CHRM3: variants seen among roughly 807,000 people sequenced by gnomAD.
The protein encoded by CHRM3 is muscarinic acetylcholine receptor M3.
In CHRM3, 11 loss-of-function variants were observed where a neutral mutation model predicts 41.8. The observed-to-expected ratio is 0.26, with a 90% CI of 0.17 to 0.44. The LOEUF is 0.44. CHRM3 is among the 20% of genes least tolerant of loss of function. The pLI is 1.00. For missense variants in CHRM3, 571 were observed against 745.4 expected (o/e 0.77, Z 2.72); for synonymous variants, 297 against 301.4 (o/e 0.99, Z 0.15).
intron 3 of CHRM3, among the ~76,000 whole-genome samples, chr1:239,569,930 G>A (rs576037465): frequency 3.3e-5 from 5 of 152,264 alleles, no homozygotes; most frequent in Admixed American, 3.3e-4. Flanking sequence ...TGATATAACT[G>A]AATTCTGAAG....
chr1:239,875,017 C>CA (rs910686631), intron 6 of CHRM3, among the ~76,000 whole-genome samples: 15 of 151,668 alleles, frequency 9.9e-5, no homozygotes, highest in Middle Eastern at 3.4e-3. Context: ...TTTTAAATGG[C>CA]AAAAAACGCA....
intron 5 of CHRM3, among the ~76,000 whole-genome samples, chr1:239,750,200 C>T (rs1055058799): frequency 6.6e-6 from 1 of 152,094 alleles, no homozygotes; most frequent in Middle Eastern, 3.4e-3. Context: ...CTGGATGGGC[C>T]GGCTGGCAGA....
At chr1:239,893,497 A>C (rs779937710) in intron 6 of CHRM3, among the ~76,000 whole-genome samples, 3 of 152,184 alleles carry the variant, frequency 2.0e-5, no homozygotes, top group Non-Finnish European at 4.4e-5. Context: ...ACTTGGGACA[A>C]GTCTTCAACT....
chr1:239,749,944 C>T (rs866515122), intron 5 of CHRM3, among the ~76,000 whole-genome samples: 1 of 152,186 alleles, frequency 6.6e-6, no homozygotes, highest in African/African-American at 2.4e-5. Context: ...AATAATACCA[C>T]GGCTTTGAAT....
At chr1:239,583,824 C>T (rs1282229471) in intron 3 of CHRM3, among the ~76,000 whole-genome samples, 2 of 152,082 alleles carry the variant, frequency 1.3e-5, no homozygotes, top group African/African-American at 2.4e-5. Flanking sequence ...TTTATTTACT[C>T]TAGCTTGGGA....
intron 6 of CHRM3, among the ~76,000 whole-genome samples, chr1:239,845,598 G>C (rs972801904): frequency 2.6e-4 from 39 of 152,152 alleles, no homozygotes; most frequent in African/African-American, 1.9e-4. Context: ...CCCACCATTT[G>C]TGCCAGCTTT....
At chr1:239,589,525 A>G (rs1663839201) in intron 3 of CHRM3, among the ~76,000 whole-genome samples, 1 of 149,336 alleles carries the variant, frequency 6.7e-6, no homozygotes. Flanking sequence ...ATAAAACTAT[A>G]TATATAGTTT....
intron 5 of CHRM3, among the ~76,000 whole-genome samples, chr1:239,794,418 A>C (rs1483681329): frequency 1.5e-5 from 2 of 131,272 alleles, no homozygotes; most frequent in Admixed American, 8.3e-5. Flanking sequence ...TTTTTCCCTG[A>C]GGTGACCTAT....
intron 1 of CHRM3, among the ~76,000 whole-genome samples, chr1:239,445,960 C>A (rs1320978619): frequency 6.7e-6 from 1 of 150,240 alleles, no homozygotes; most frequent in Non-Finnish European, 1.5e-5. Flanking sequence ...TTTTTTGAGA[C>A]AGAGTCTCGC....
intron 5 of CHRM3, among the ~76,000 whole-genome samples, chr1:239,761,400 T>G (rs1258255583): frequency 6.6e-6 from 1 of 152,200 alleles, no homozygotes; most frequent in Non-Finnish European, 1.5e-5. Flanking sequence ...TCTCTTTATG[T>G]GTTGCATGTT....
At chr1:239,530,200 G>A (rs1479414992) in intron 2 of CHRM3, among the ~76,000 whole-genome samples, 1 of 152,060 alleles carries the variant, frequency 6.6e-6, no homozygotes, top group Non-Finnish European at 1.5e-5. Context: ...ACCGTGCCCG[G>A]CCCAAATTAT....
At chr1:239,413,816 T>C (rs887559707) in intron 1 of CHRM3, among the ~76,000 whole-genome samples, 13 of 150,326 alleles carry the variant, frequency 8.6e-5, no homozygotes, top group African/African-American at 2.7e-4. Flanking sequence ...TGCAGTGTAG[T>C]TCTGCGGTGT....
chr1:239,510,120 AG>A (rs1418110789), intron 2 of CHRM3, among the ~76,000 whole-genome samples: 2 of 152,180 alleles, frequency 1.3e-5, no homozygotes, highest in South Asian at 2.1e-4. Context: ...GAGAAGTAAA[AG>A]CTATTTACCT....
chr1:239,737,409 TG>T (rs1458598522), intron 5 of CHRM3, among the ~76,000 whole-genome samples: 1 of 152,154 alleles, frequency 6.6e-6, no homozygotes, highest in East Asian at 1.9e-4. Flanking sequence ...AATGTTGGGA[TG>T]GTTGCCACAA....
At chr1:239,569,655 G>A (rs1661658053) in intron 3 of CHRM3, among the ~76,000 whole-genome samples, 1 of 152,040 alleles carries the variant, frequency 6.6e-6, no homozygotes, top group Non-Finnish European at 1.5e-5. Context: ...AAATAACAAA[G>A]CAAAACATCA....
chr1:239,579,108 G>A lies in CHRM3; in HGVS notation c.-313+33359G>A, dbSNP rs141171030. 5.2e-4 allele frequency among the ~76,000 whole-genome samples: 79 copies of A among 152,234 alleles called. 1 individual carries two copies. Among genetic ancestry groups the A allele is most frequent in the African/African-American group, 1.8e-3 (73 of 41,548 alleles). On this transcript the variant is annotated intron_variant, in intron 3 of 6. Transcript: ENST00000676153. ...TAGTTTTAACACTTACTAAATATTCGTTGAGTGAATGATGAAGTGAGTGAA... is the reference window on the plus strand; with the variant it reads ...TAGTTTTAACACTTACTAAATATTCATTGAGTGAATGATGAAGTGAGTGAA...
At chr1:239,575,105 G>A (rs1236025739) in intron 3 of CHRM3, among the ~76,000 whole-genome samples, 1 of 152,162 alleles carries the variant, frequency 6.6e-6, no homozygotes, top group Non-Finnish European at 1.5e-5. Flanking sequence ...TACATCCTAT[G>A]ATAAGGATTA....
At chr1:239,471,517 C>A (rs1016539580) in intron 1 of CHRM3, among the ~76,000 whole-genome samples, 1 of 152,070 alleles carries the variant, frequency 6.6e-6, no homozygotes, top group East Asian at 1.9e-4. Context: ...AGAGCCTGAA[C>A]GAAAGACTGG....
intron 3 of CHRM3, among the ~76,000 whole-genome samples, chr1:239,580,779 T>C (rs1662830768): frequency 6.8e-6 from 1 of 148,126 alleles, no homozygotes; most frequent in Non-Finnish European, 1.5e-5. Flanking sequence ...AATATATATA[T>C]ATAAATACAT....
Sources: allele counts gnomAD v4.1 joint callset (sites outside exome capture counted in the v4.1 genomes callset), GRCh38; gene constraint gnomAD v4.1.1; transcripts MANE v1.5; gene names NCBI Gene and HGNC (gene_info 2026-07-23, HGNC 2026-07-21).